Variants in ANKRD44 observed in about 807,000 individuals in gnomAD.
ANKRD44 encodes ankyrin repeat domain 44, also known as serine/threonine-protein phosphatase 6 regulatory ankyrin repeat subunit B.
ANKRD44 carries 35 observed loss-of-function variants against 116.0 expected under a neutral mutation model. That is an observed-to-expected ratio of 0.30 (90% CI 0.23 to 0.40). The LOEUF (loss-of-function observed/expected upper bound fraction) is 0.40, where lower values mean the gene tolerates loss of function less well. Ranked by LOEUF, ANKRD44 falls within the 10% of genes least tolerant of loss-of-function variation. ANKRD44 has a pLI of 1.00. For synonymous variants in ANKRD44, 435 were observed against 461.8 expected, an observed-to-expected ratio of 0.94 and a Z score of 0.74; for missense variants, 1,014 against 1,242.6, an observed-to-expected ratio of 0.82 and a Z score of 2.77.
chr2:197,174,897 G>A (rs1231129493), intron 2 of ANKRD44, among the ~76,000 whole-genome samples: 1 of 152,198 alleles, frequency 6.6e-6, no homozygotes, highest in Non-Finnish European at 1.5e-5. Context: ...AGGTGTCCCA[G>A]ATAAGGAGGC....
chr2:197,250,016 G>A (rs1423804593), intron 1 of ANKRD44, among the ~76,000 whole-genome samples: 1 of 152,204 alleles, frequency 6.6e-6, no homozygotes, highest in Non-Finnish European at 1.5e-5. Context: ...GTTTTCAACT[G>A]CAAATAACAG....
chr2:197,269,117 A>G (rs2082822121), intron 1 of ANKRD44, among the ~76,000 whole-genome samples: 1 of 148,720 alleles, frequency 6.7e-6, no homozygotes, highest in South Asian at 2.1e-4. Context: ...CTACTCATAG[A>G]GTGTATTCAT....
chr2:196,989,509 T>C lies in ANKRD44; in HGVS notation c.*82A>G, dbSNP rs1574224361. The C allele has an allele frequency of 8.0e-7, 1 of 1,248,766 alleles. No homozygotes were observed. The highest frequency in any genetic ancestry group is 1.5e-5 in the African/African-American group (1 of 64,602). 77.4% of individuals were successfully genotyped at this position (1,248,766 alleles called of 1,614,324 possible). On this transcript the variant is annotated 3_prime_UTR_variant, in exon 28 of 28. Coordinates refer to ENST00000282272, the MANE Select transcript of ANKRD44 (RefSeq NM_001195144.2). ...CCTCATGTGTAGCTGGCTGATGAAC[T>C]ACACACACACACACATATATATATA...
intron 10 of ANKRD44, among the ~76,000 whole-genome samples, chr2:197,092,833 CTT>C (rs1192277893): frequency 7.0e-6 from 1 of 142,486 alleles, no homozygotes; most frequent in East Asian, 2.1e-4. Context: ...ATTGTTCCCT[CTT>C]GATTCAAGAG....
intron 22 of ANKRD44, among the ~76,000 whole-genome samples, chr2:197,000,899 G>A (rs368555549): frequency 1.3e-3 from 200 of 152,260 alleles, no homozygotes; most frequent in African/African-American, 4.1e-3. Flanking sequence ...TTAGCCAGGC[G>A]TGGTGGCGCG....
Position 197,025,217 on chromosome 2 carries a change from A to G in ANKRD44, c.1701T>C (p.Thr567=). The change falls in exon 17 of 28, where the codon ACT becomes ACC. Residue 567 remains threonine (T), a synonymous_variant. Coordinates refer to ENST00000282272, the MANE Select transcript of ANKRD44 (RefSeq NM_001195144.2). ...TTACAGCTAAGTGGAGTGGACTCTT[A>G]GTAGCACCAGAATCTGATTCTTCAA... The part of the protein sequence containing the change: ...SGFEESDSGA[T]KSPLHLAAYN... 1.2e-6 allele frequency: 2 copies of G among 1,612,814 alleles called. No individual in the cohort carries two copies. The highest frequency in any genetic ancestry group is 1.7e-6 in the Non-Finnish European group (2 of 1,178,926).
At chr2:197,074,231 G>C (rs757048523) in intron 16 of ANKRD44, among the ~76,000 whole-genome samples, 1 of 152,226 alleles carries the variant, frequency 6.6e-6, no homozygotes, top group African/African-American at 2.4e-5. Flanking sequence ...GGTTTCCAGA[G>C]AACACTGCCC....
chr2:197,142,834 C>G (rs1271171773), intron 3 of ANKRD44, among the ~76,000 whole-genome samples: 2 of 152,054 alleles, frequency 1.3e-5, no homozygotes, highest in Non-Finnish European at 2.9e-5. Context: ...AGGACTACCA[C>G]TTGTTGGGTT....
At chr2:197,000,821 T>C (rs2076100981) in intron 22 of ANKRD44, among the ~76,000 whole-genome samples, 1 of 152,142 alleles carries the variant, frequency 6.6e-6, no homozygotes, top group East Asian at 1.9e-4. Flanking sequence ...AGGTGGATCA[T>C]GAGGTCAGGA....
chr2:197,156,389 A>G (rs2079816479), intron 2 of ANKRD44, among the ~76,000 whole-genome samples: 1 of 152,322 alleles, frequency 6.6e-6, no homozygotes, highest in African/African-American at 2.4e-5. Flanking sequence ...CATTAGAGAA[A>G]GGCAAATTAA....
intron 1 of ANKRD44, among the ~76,000 whole-genome samples, chr2:197,300,087 T>C (rs2083853135): frequency 6.6e-6 from 1 of 152,212 alleles, no homozygotes; most frequent in South Asian, 2.1e-4. Flanking sequence ...TACAAATTAA[T>C]TTGTAAAAAG....
At chr2:197,039,553 T>C (rs2076868273) in intron 16 of ANKRD44, among the ~76,000 whole-genome samples, 1 of 152,192 alleles carries the variant, frequency 6.6e-6, no homozygotes, top group African/African-American at 2.4e-5. Context: ...AAAGGTTAAG[T>C]CACCCTTCTA....
At chr2:197,109,796 T>G (rs2078521884) in intron 9 of ANKRD44, among the ~76,000 whole-genome samples, 1 of 152,144 alleles carries the variant, frequency 6.6e-6, no homozygotes, top group African/African-American at 2.4e-5. Flanking sequence ...TCTCTAAGAT[T>G]TACTAATAGA....
At chr2:196,975,612 T>A (rs2125861239) in intron 21 of ANKRD44, among the ~76,000 whole-genome samples, 1 of 83,710 alleles carries the variant, frequency 1.2e-5, no homozygotes, top group African/African-American at 3.2e-5. Context: ...GGTGTCACAC[T>A]GTTTTTTTTT....
chr2:197,216,860 C>T (rs2697298), intron 1 of ANKRD44, among the ~76,000 whole-genome samples: 87,776 of 142,864 alleles, frequency 0.61, 26,789 homozygotes, highest in African/African-American at 0.77. Context: ...TCAGCAAGCA[C>T]ATTGGTTAAA....
intron 8 of ANKRD44, among the ~76,000 whole-genome samples, chr2:197,119,059 A>C (rs1431244432): frequency 6.6e-6 from 1 of 152,146 alleles, no homozygotes; most frequent in Non-Finnish European, 1.5e-5. Flanking sequence ...TTTTATATCA[A>C]GCATATTAAC....
chr2:197,167,611 GT>G (rs2080128937), intron 2 of ANKRD44, among the ~76,000 whole-genome samples: 1 of 152,204 alleles, frequency 6.6e-6, no homozygotes, highest in African/African-American at 2.4e-5. Flanking sequence ...AAGAGCAGGG[GT>G]TTTGGGAAAT....
chr2:197,130,657 A>T (rs1445534413), intron 4 of ANKRD44, among the ~76,000 whole-genome samples: 1 of 152,200 alleles, frequency 6.6e-6, no homozygotes, highest in Non-Finnish European at 1.5e-5. Context: ...TCCAGATATG[A>T]CCTATATTCT....
chr2:196,970,618 T>A (rs1440678923), intron 21 of ANKRD44, among the ~76,000 whole-genome samples: 1 of 152,072 alleles, frequency 6.6e-6, no homozygotes, highest in African/African-American at 2.4e-5. Flanking sequence ...ATTTATGCAT[T>A]CCAGTCTCTT....
Sources: allele counts gnomAD v4.1 joint callset (sites outside exome capture counted in the v4.1 genomes callset), GRCh38; gene constraint gnomAD v4.1.1; transcripts MANE v1.5; gene names NCBI Gene and HGNC (gene_info 2026-07-23, HGNC 2026-07-21).